Variants in RPS6KC1 observed in about 807,000 individuals in gnomAD.
RPS6KC1 encodes the protein ribosomal protein S6 kinase C1.
Under a neutral mutation model 103.8 loss-of-function variants are expected in RPS6KC1, and 54 were observed. That is an observed-to-expected ratio of 0.52 (90% CI 0.42 to 0.65). RPS6KC1 has a LOEUF of 0.65. RPS6KC1 is among the 30% of genes least tolerant of loss of function. The pLI, the probability that RPS6KC1 is intolerant of heterozygous loss-of-function variation, is 0.00. For missense variants in RPS6KC1, 1,151 were observed against 1,253.8 expected (o/e 0.92, Z 1.24); for synonymous variants, 439 against 438.7 (o/e 1.00, Z -0.01).
the RPS6KC1 span, among the ~76,000 whole-genome samples, chr1:213,359,626 T>C: frequency 6.6e-6 from 1 of 152,108 alleles, no homozygotes; most frequent in Non-Finnish European, 1.5e-5. Flanking sequence ...TTTTGCTCGT[T>C]AGTTGATGCA....
At chr1:213,484,251 T>G in the RPS6KC1 span, among the ~76,000 whole-genome samples, 1 of 152,242 alleles carries the variant, frequency 6.6e-6, no homozygotes, top group Non-Finnish European at 1.5e-5. Context: ...CCAAAATTTA[T>G]TATCTCCTTT....
the RPS6KC1 span, among the ~76,000 whole-genome samples, chr1:213,705,607 G>A: frequency 3.9e-5 from 6 of 152,312 alleles, no homozygotes; most frequent in Non-Finnish European, 8.8e-5. Context: ...TGGCTGAGCT[G>A]GTACATAGAA....
At chr1:213,795,715 C>T in the RPS6KC1 span, among the ~76,000 whole-genome samples, 4 of 152,236 alleles carry the variant, frequency 2.6e-5, no homozygotes, top group South Asian at 8.3e-4. Context: ...ATCCACATCT[C>T]CCCCAAACGT....
At chr1:213,418,377 G>A in the RPS6KC1 span, among the ~76,000 whole-genome samples, 6 of 152,028 alleles carry the variant, frequency 3.9e-5, no homozygotes, top group Non-Finnish European at 4.4e-5. Flanking sequence ...ACACAGCTTC[G>A]CCCTGAGGAG....
chr1:213,178,577 A>G (rs1052711306), intron 8 of RPS6KC1, among the ~76,000 whole-genome samples: 7 of 152,064 alleles, frequency 4.6e-5, no homozygotes, highest in Non-Finnish European at 1.0e-4. Context: ...AAACACAACA[A>G]AACAGGAAAG....
the RPS6KC1 span, among the ~76,000 whole-genome samples, chr1:213,712,183 C>G: frequency 6.6e-6 from 1 of 152,218 alleles, no homozygotes; most frequent in East Asian, 1.9e-4. Context: ...CTGACTGGGG[C>G]TGCTGCCTTT....
chr1:213,679,779 G>A, the RPS6KC1 span, among the ~76,000 whole-genome samples: 1 of 152,164 alleles, frequency 6.6e-6, no homozygotes, highest in South Asian at 2.1e-4. Flanking sequence ...AAGAGAGCTT[G>A]CTACATAGGA....
the RPS6KC1 span, among the ~76,000 whole-genome samples, chr1:213,361,428 C>T: frequency 0.42 from 64,501 of 151,896 alleles, 16,338 homozygotes; most frequent in African/African-American, 0.7. Context: ...AGGGTGTGAG[C>T]GACCCGATTT....
At chr1:213,757,639 A>G in the RPS6KC1 span, among the ~76,000 whole-genome samples, 1 of 152,246 alleles carries the variant, frequency 6.6e-6, no homozygotes, top group African/African-American at 2.4e-5. Flanking sequence ...AGATCTTAGC[A>G]GAAGATCTAG....
chr1:213,452,391 C>T, the RPS6KC1 span, among the ~76,000 whole-genome samples: 56 of 150,818 alleles, frequency 3.7e-4, no homozygotes, highest in African/African-American at 1.2e-3. Context: ...TTCTTATCTT[C>T]CTAATTAAAT....
chr1:213,480,797 G>A, the RPS6KC1 span, among the ~76,000 whole-genome samples: 1 of 152,012 alleles, frequency 6.6e-6, no homozygotes, highest in African/African-American at 2.4e-5. Context: ...ATCAGGTTAA[G>A]GGAATTCCTT....
chr1:213,277,397 A>G (rs769130858), downstream of RPS6KC1, among the ~76,000 whole-genome samples: 16 of 152,194 alleles, frequency 1.1e-4, no homozygotes, highest in Non-Finnish European at 2.2e-4. Flanking sequence ...CTCAGGGAGA[A>G]ATGGAGGCAG....
chr1:213,230,402 T>G lies in RPS6KC1; in HGVS notation c.1045-95T>G, dbSNP rs1309840852. On this transcript the variant is annotated intron_variant, in intron 8 of 14. Coordinates refer to ENST00000366960, the MANE Select transcript of RPS6KC1 (RefSeq NM_012424.6). ...GAACAATTTTGGGGAGGGGATTAAA[T>G]TTCAGCCCTGCCCTACTCTTAAAGT... 5 of 845,028 alleles carry G rather than the reference T, an allele frequency of 5.9e-6. No homozygotes were observed. In the African/African-American group the frequency reaches 8.9e-5, roughly 15 times the overall value. The allele number at this position is 845,028 out of a possible 1,614,324, so 52.3% of individuals were successfully genotyped here.
chr1:213,755,149 A>T, the RPS6KC1 span, among the ~76,000 whole-genome samples: 1 of 152,166 alleles, frequency 6.6e-6, no homozygotes, highest in Non-Finnish European at 1.5e-5. Context: ...GCAGAAAAGG[A>T]GGGAGAGCTT....
the RPS6KC1 span, among the ~76,000 whole-genome samples, chr1:213,804,331 C>T: frequency 6.6e-6 from 1 of 152,128 alleles, no homozygotes; most frequent in Admixed American, 6.5e-5. Context: ...CTATTTCTTT[C>T]ACTTATTTCA....
the RPS6KC1 span, among the ~76,000 whole-genome samples, chr1:213,828,852 TA>T: frequency 6.6e-6 from 1 of 152,224 alleles, no homozygotes; most frequent in East Asian, 1.9e-4. Flanking sequence ...TATTACCTAG[TA>T]GTTTGATATC....
chr1:213,660,310 G>A, the RPS6KC1 span, among the ~76,000 whole-genome samples: 1 of 152,210 alleles, frequency 6.6e-6, no homozygotes, highest in Non-Finnish European at 1.5e-5. Context: ...CAAGTTTCAT[G>A]TCCAGAAGCT....
At chr1:213,397,582 A>AACACACACACAC in the RPS6KC1 span, among the ~76,000 whole-genome samples, 6 of 89,126 alleles carry the variant, frequency 6.7e-5, no homozygotes, top group African/African-American at 1.9e-4. Context: ...AAGAGTCAGG[A>AACACACACACAC]ACACATACAC....
At chr1:213,400,566 C>T in the RPS6KC1 span, among the ~76,000 whole-genome samples, 3 of 152,088 alleles carry the variant, frequency 2.0e-5, no homozygotes, top group South Asian at 4.1e-4. Context: ...AACTGAAGCC[C>T]AGAGAGGTCA....
Sources: allele counts gnomAD v4.1 joint callset (sites outside exome capture counted in the v4.1 genomes callset), GRCh38; gene constraint gnomAD v4.1.1; transcripts MANE v1.5; gene names NCBI Gene and HGNC (gene_info 2026-07-23, HGNC 2026-07-21).